ZNF91: variants seen among roughly 807,000 people sequenced by gnomAD.
ZNF91 encodes zinc finger protein 91 (HPF7, HTF10).
ZNF91 carries 7 observed loss-of-function variants against 12.6 expected under a neutral mutation model. The observed-to-expected ratio is 0.55, with a 90% CI of 0.31 to 1.04. ZNF91 has a LOEUF of 1.04. Ranked by LOEUF, ZNF91 falls within the 50% of genes least tolerant of loss-of-function variation. ZNF91 has a pLI of 0.05. For synonymous variants in ZNF91, 453 were observed against 462.6 expected (o/e 0.98, Z 0.27); for missense variants, 1,217 against 1,385.4 (o/e 0.88, Z 1.93).
chr19:23,323,765 C>T (rs1321230508), intron 1 of ZNF91, among the ~76,000 whole-genome samples: 6 of 145,480 alleles, frequency 4.1e-5, no homozygotes, highest in Non-Finnish European at 7.4e-5. Flanking sequence ...TCATTCTTTT[C>T]GTCTCCTCCT....
chr19:23,345,192 TC>T (rs1230594838), intron 3 of ZNF91, among the ~76,000 whole-genome samples: 4 of 152,154 alleles, frequency 2.6e-5, no homozygotes, highest in Non-Finnish European at 4.4e-5. Context: ...TTTTATCATC[TC>T]CCTCCAGCTT....
In ZNF91 at chr19:23,361,871, T is replaced by C; in HGVS notation, c.1108A>G (p.Ile370Val). The C allele has an allele frequency of 1.2e-6, 2 of 1,613,240 alleles. No homozygotes were observed. The highest frequency in any genetic ancestry group is 1.7e-6 in the Non-Finnish European group (2 of 1,179,512). The change falls in exon 4 of 4, where the codon ATA (isoleucine) becomes GTA (valine). Residue 370 changes from isoleucine to valine, a missense_variant. By Grantham distance (29) the Ile-to-Val change is conservative. This residue lies in a region of ZNF91 where 726 missense variants were observed against 895.5 expected (regional missense o/e 0.81). Coordinates refer to ENST00000300619, the MANE Select transcript of ZNF91 (RefSeq NM_003430.4). ...SNSSTLANHK[I>V]THTEEKPYKC... ...TAGGGTTTCTCTTCAGTATGAGTTA[T>C]CTTATGATTAGCAAGGGTTGAGGAA... is the stretch of plus-strand genomic sequence containing the variant.
At chr19:23,342,374 T>C in intron 3 of ZNF91, 1 of 333,282 alleles carries the variant, frequency 3.0e-6, no homozygotes, top group Non-Finnish European at 5.4e-6. Flanking sequence ...AGAAATTTAA[T>C]TCCAAAATAC....
chr19:23,331,772 G>T lies in ZNF91; in HGVS notation n.117-22675C>A, dbSNP rs28393554. Among the ~76,000 whole-genome samples the T allele has an allele frequency of 9.3e-3, 1,410 of 152,300 alleles. 19 individuals are homozygous for T. Among genetic ancestry groups the T allele is most frequent in the African/African-American group, 0.032 (1,331 of 41,562 alleles). Reference sequence around the variant, plus strand: ...TTTGTGTTATGCTAAGAGAAAGGGAGAAGTATCAGTGTATTGGAGAAGTGG... The same window carrying T: ...TTTGTGTTATGCTAAGAGAAAGGGATAAGTATCAGTGTATTGGAGAAGTGG... On this transcript the variant is annotated intron_variant and non_coding_transcript_variant, in intron 1 of 1. Transcript: ENST00000596528.
chr19:23,308,875 CT>C (rs1364580351), intron 2 of ZNF91: 3 of 152,216 alleles, frequency 2.0e-5, no homozygotes, highest in Admixed American at 6.5e-5. Context: ...TTTTTTACTG[CT>C]TGGGCTTTGC....
intron 1 of ZNF91, among the ~76,000 whole-genome samples, chr19:23,389,428 C>A (rs914650650): frequency 1.1e-4 from 17 of 150,250 alleles, no homozygotes; most frequent in Non-Finnish European, 2.4e-4. Context: ...ACACTAGGAT[C>A]AAAAATGCTG....
intron 3 of ZNF91, among the ~76,000 whole-genome samples, chr19:23,370,468 A>G (rs900372966): frequency 6.6e-6 from 1 of 152,208 alleles, no homozygotes; most frequent in Admixed American, 6.5e-5. Context: ...AGTCTTTTGC[A>G]TAACAATGTT....
intron 1 of ZNF91, among the ~76,000 whole-genome samples, chr19:23,332,553 A>G (rs866826281): frequency 6.6e-6 from 1 of 152,158 alleles, no homozygotes; most frequent in African/African-American, 2.4e-5. Flanking sequence ...CACCAAACAA[A>G]TACTAACTGA....
Position 23,374,676 on chromosome 19 carries a change from T to C in ZNF91, c.119A>G (p.Asn40Ser), listed in dbSNP as rs1417026657. ...LDTAQQNLYRNVMLENYRNLA... is the reference protein window; with the variant it reads ...LDTAQQNLYRSVMLENYRNLA... Reference sequence around the variant, plus strand: ...GTTTCTGTAGTTCTCTAACATCACATTCCTATATAAATTCTGCTGTGCAGT... The same window carrying C: ...GTTTCTGTAGTTCTCTAACATCACACTCCTATATAAATTCTGCTGTGCAGT... The change falls in exon 2 of 4, where the codon AAT becomes AGT. Residue 40 changes from asparagine to serine, a missense_variant. This residue lies in a region of ZNF91 where 726 missense variants were observed against 895.5 expected (regional missense o/e 0.81). Coordinates refer to ENST00000300619, the MANE Select transcript of ZNF91 (RefSeq NM_003430.4). 6 of 1,612,292 alleles carry C rather than the reference T, an allele frequency of 3.7e-6. No homozygotes were observed. The highest frequency in any genetic ancestry group is 5.1e-6 in the Non-Finnish European group (6 of 1,179,014).
rs199502898 is a variant in ZNF91, at chr19:23,380,266, C to CAAAAAAAAA, written c.31-5511_31-5503dup. The CAAAAAAAAA allele has an allele frequency of 8.0e-4, 42 of 52,742 alleles. 6 individuals carry two copies. Among genetic ancestry groups the CAAAAAAAAA allele is most frequent in the African/African-American group, 1.7e-3 (30 of 17,436 alleles). The allele number at this position is 52,742 out of a possible 1,614,324, so 3.3% of individuals were successfully genotyped here. On this transcript the variant is annotated intron_variant, in intron 1 of 3. Coordinates refer to ENST00000300619, the MANE Select transcript of ZNF91 (RefSeq NM_003430.4). Reference sequence around the variant, plus strand: ...TGGGCAATGGGGGGAAAATCCGTCTCAAAAAAAAAAAAAAAAAAAAAAAAA... The same window carrying CAAAAAAAAA: ...TGGGCAATGGGGGGAAAATCCGTCTCAAAAAAAAAAAAAAAAAAAAAAAAAAAAAAAAAA...
intron 3 of ZNF91, among the ~76,000 whole-genome samples, chr19:23,342,518 C>T (rs1448450607): frequency 2.0e-5 from 3 of 151,766 alleles, no homozygotes; most frequent in Admixed American, 1.3e-4. Flanking sequence ...GTATTTAATG[C>T]CACTGAATTT....
chr19:23,357,189 T>C (rs1031069033), downstream of ZNF91, among the ~76,000 whole-genome samples: 3 of 152,106 alleles, frequency 2.0e-5, no homozygotes, highest in African/African-American at 7.2e-5. Context: ...ATTGCACCAT[T>C]GCACTCCAGC....
intron 1 of ZNF91, chr19:23,384,660 G>A (rs962881002): frequency 1.6e-5 from 9 of 575,056 alleles, no homozygotes; most frequent in Middle Eastern, 5.9e-4. Flanking sequence ...CATCCAAATC[G>A]GCAAAGAGGG....
chr19:23,390,923 T>C (rs1159613188), intron 1 of ZNF91, among the ~76,000 whole-genome samples: 2 of 152,242 alleles, frequency 1.3e-5, no homozygotes, highest in African/African-American at 4.8e-5. Flanking sequence ...GGCATTCAAG[T>C]TGATTCCATG....
chr19:23,370,325 A>G (rs1330028910), intron 3 of ZNF91, among the ~76,000 whole-genome samples: 1 of 152,186 alleles, frequency 6.6e-6, no homozygotes, highest in East Asian at 1.9e-4. Flanking sequence ...TTTCACTAAG[A>G]TATATAAAAT....
At chr19:23,376,514 C>T (rs999814383) in intron 1 of ZNF91, among the ~76,000 whole-genome samples, 2 of 151,876 alleles carry the variant, frequency 1.3e-5, no homozygotes, top group African/African-American at 4.8e-5. Context: ...CTCAGCCTGC[C>T]GAGTAGCTGT....
intron 3 of ZNF91, among the ~76,000 whole-genome samples, chr19:23,371,584 A>C (rs1969281435): frequency 6.6e-6 from 1 of 152,050 alleles, no homozygotes; most frequent in South Asian, 2.1e-4. Flanking sequence ...ACTCATATTA[A>C]GGAACTTACA....
chr19:23,328,515 AATG>A (rs1180866755), intron 1 of ZNF91: 2 of 152,200 alleles, frequency 1.3e-5, no homozygotes, highest in Non-Finnish European at 2.9e-5. Context: ...GAATGACAGG[AATG>A]ATGAAGTAGA....
At chr19:23,383,967 A>T (rs1008561328) in intron 1 of ZNF91, among the ~76,000 whole-genome samples, 5 of 152,010 alleles carry the variant, frequency 3.3e-5, no homozygotes, top group Non-Finnish European at 7.4e-5. Context: ...AAAATTAGCC[A>T]AGCGTGGTGT....
Sources: gnomAD v4.1 joint callset for allele counts (sites outside exome capture counted in the v4.1 genomes callset) on GRCh38, gnomAD v4.1.1 for gene constraint, gnomAD v4.1.1 regional missense constraint, MANE v1.5 for transcripts, NCBI Gene and HGNC (gene_info 2026-07-23, HGNC 2026-07-21) for gene names.